Variants in ROBO2 observed in about 807,000 individuals in gnomAD.
ROBO2 encodes roundabout guidance receptor 2, also known as roundabout homolog 2.
Under a neutral mutation model 160.8 loss-of-function variants are expected in ROBO2, and 53 were observed. That is an observed-to-expected ratio of 0.33 (90% CI 0.26 to 0.41). The LOEUF (loss-of-function observed/expected upper bound fraction) is 0.41. ROBO2 is among the 10% of genes least tolerant of loss of function. The pLI, the probability that ROBO2 is intolerant of heterozygous loss-of-function variation, is 1.00. For missense variants in ROBO2, 1,577 were observed against 1,722.4 expected (o/e 0.92, Z 1.49); for synonymous variants, 664 against 611.7 (o/e 1.09, Z -1.26).
intron 17 of ROBO2, among the ~76,000 whole-genome samples, chr3:77,592,916 G>A (rs1355186708): frequency 6.6e-6 from 1 of 152,134 alleles, no homozygotes; most frequent in East Asian, 1.9e-4. Context: ...TACATGTCAT[G>A]AAGAATTTGC....
intron 2 of ROBO2, among the ~76,000 whole-genome samples, chr3:77,434,175 C>T (rs1261356287): frequency 3.3e-5 from 5 of 152,074 alleles, no homozygotes; most frequent in African/African-American, 1.2e-4. Flanking sequence ...TCTACTTCCT[C>T]CTGTGTGTTC....
chr3:76,473,383 C>T (rs1360966623), intron 2 of ROBO2, among the ~76,000 whole-genome samples: 4 of 152,092 alleles, frequency 2.6e-5, no homozygotes, highest in Admixed American at 2.6e-4. Flanking sequence ...TTCACACCTA[C>T]ATGATTATTT....
At chr3:76,294,834 A>G (rs1236462506) in intron 2 of ROBO2, among the ~76,000 whole-genome samples, 2 of 152,220 alleles carry the variant, frequency 1.3e-5, no homozygotes, top group Non-Finnish European at 2.9e-5. Flanking sequence ...TATAAATTTG[A>G]TAACTTCAAT....
chr3:76,659,816 G>A (rs1170897532), intron 2 of ROBO2, among the ~76,000 whole-genome samples: 2 of 152,182 alleles, frequency 1.3e-5, no homozygotes, highest in East Asian at 1.9e-4. Context: ...AGTTGTATGA[G>A]TGAGAGCTGG....
chr3:76,555,669 G>A (rs1389525887), intron 2 of ROBO2, among the ~76,000 whole-genome samples: 1 of 152,088 alleles, frequency 6.6e-6, no homozygotes, highest in Non-Finnish European at 1.5e-5. Context: ...GGCTTACATT[G>A]CCTTTTTTTA....
chr3:77,064,992 A>G (rs2149794393), intron 1 of ROBO2, among the ~76,000 whole-genome samples: 1 of 152,328 alleles, frequency 6.6e-6, no homozygotes, highest in East Asian at 1.9e-4. Flanking sequence ...ATGACTTCCC[A>G]GATTTGGAAA....
chr3:76,456,409 A>G (rs900004998), intron 2 of ROBO2, among the ~76,000 whole-genome samples: 6 of 152,212 alleles, frequency 3.9e-5, no homozygotes. Flanking sequence ...CCACTGTTCT[A>G]AAGCTCAGGT....
chr3:76,398,390 G>T (rs1334511903), intron 2 of ROBO2, among the ~76,000 whole-genome samples: 1 of 151,686 alleles, frequency 6.6e-6, no homozygotes, highest in Non-Finnish European at 1.5e-5. Flanking sequence ...ACAAGTTAAT[G>T]GGTGCAGCAC....
chr3:77,016,818 C>G (rs1439690501), intron 2 of ROBO2, among the ~76,000 whole-genome samples: 1 of 152,138 alleles, frequency 6.6e-6, no homozygotes, highest in Non-Finnish European at 1.5e-5. Flanking sequence ...ACTAAAAGCT[C>G]TGATCATTTG....
intron 2 of ROBO2, among the ~76,000 whole-genome samples, chr3:76,105,838 CA>C (rs924854357): frequency 2.0e-5 from 3 of 148,560 alleles, no homozygotes; most frequent in South Asian, 2.1e-4. Context: ...TTTCAGCAAC[CA>C]AAAAAAAAGA....
chr3:76,556,787 G>C (rs2083820580), intron 2 of ROBO2, among the ~76,000 whole-genome samples: 1 of 151,984 alleles, frequency 6.6e-6, no homozygotes, highest in Admixed American at 6.6e-5. Flanking sequence ...AAGTTATTAT[G>C]CATTTTTAAG....
chr3:75,913,829 A>C (rs1204692411), intron 1 of ROBO2, among the ~76,000 whole-genome samples: 1 of 152,188 alleles, frequency 6.6e-6, no homozygotes, highest in East Asian at 1.9e-4. Flanking sequence ...AAATTTTCAA[A>C]GGGATGTTAG....
chr3:76,333,440 A>T (rs556511239), intron 2 of ROBO2, among the ~76,000 whole-genome samples: 1 of 152,298 alleles, frequency 6.6e-6, no homozygotes, highest in South Asian at 2.1e-4. Flanking sequence ...AATTAAGAAA[A>T]AATACATAGT....
At chr3:76,633,288 C>T (rs1056388716) in intron 2 of ROBO2, among the ~76,000 whole-genome samples, 1 of 152,080 alleles carries the variant, frequency 6.6e-6, no homozygotes, top group South Asian at 2.1e-4. Flanking sequence ...TCTCCCCACC[C>T]CCGCACATGA....
intron 5 of ROBO2, among the ~76,000 whole-genome samples, chr3:77,508,333 T>G (rs2088873759): frequency 6.8e-6 from 1 of 147,716 alleles, no homozygotes; most frequent in African/African-American, 2.5e-5. Context: ...TTTTATATAT[T>G]ACAAAAATTT....
intron 2 of ROBO2, among the ~76,000 whole-genome samples, chr3:75,983,500 T>A (rs2065333808): frequency 6.6e-6 from 1 of 151,476 alleles, no homozygotes; most frequent in Non-Finnish European, 1.5e-5. Flanking sequence ...AGAGACTAAC[T>A]GTACAGTCAG....
intron 2 of ROBO2, among the ~76,000 whole-genome samples, chr3:77,224,615 TTG>T (rs951161132): frequency 2.0e-5 from 3 of 151,878 alleles, no homozygotes; most frequent in Non-Finnish European, 2.9e-5. Flanking sequence ...TATCTTAAAA[TTG>T]TGTGTGTTTC....
rs554007462 is a variant in ROBO2, at chr3:76,160,483, A to C, written c.109+222881A>C. On this transcript the variant is annotated intron_variant, in intron 2 of 26. Transcript: ENST00000487694. ...TGGTCATCCCCATTAGGACATGTAC[A>C]AGATGATTTTTTCCTCACAAGTTGA... 1.2e-3 allele frequency among the ~76,000 whole-genome samples: 188 copies of C among 152,296 alleles called. 1 individual carries two copies. Among genetic ancestry groups the C allele is most frequent in the African/African-American group, 4.4e-3 (182 of 41,566 alleles).
At chr3:77,498,289 T>C (rs2087068745) in intron 5 of ROBO2, among the ~76,000 whole-genome samples, 1 of 152,184 alleles carries the variant, frequency 6.6e-6, no homozygotes, top group Non-Finnish European at 1.5e-5. Context: ...TAATAGCTTG[T>C]CAGAAGAAAA....
Sources: gnomAD v4.1 joint callset for allele counts (sites outside exome capture counted in the v4.1 genomes callset) on GRCh38, gnomAD v4.1.1 for gene constraint, MANE v1.5 for transcripts, NCBI Gene and HGNC (gene_info 2026-07-23, HGNC 2026-07-21) for gene names.